MAF: variants seen among roughly 807,000 people sequenced by gnomAD.
MAF encodes transcription factor Maf.
Under a neutral mutation model 22.0 loss-of-function variants are expected in MAF, and 10 were observed. The observed-to-expected ratio is 0.45, with a 90% CI of 0.28 to 0.77. The LOEUF (loss-of-function observed/expected upper bound fraction) is 0.77. Ranked by LOEUF, MAF falls within the 30% of genes least tolerant of loss-of-function variation. MAF has a pLI of 0.12. For missense variants in MAF, 544 were observed against 548.4 expected, an observed-to-expected ratio of 0.99 and a Z score of 0.08; for synonymous variants, 337 against 255.8, an observed-to-expected ratio of 1.32 and a Z score of -3.03.
the MAF span, chr16:79,212,278 A>T: frequency 8.4e-7 from 1 of 1,187,416 alleles, no homozygotes; most frequent in African/African-American, 1.5e-5. Flanking sequence ...ATCCTGACCA[A>T]GACTGAGCCA....
chr16:79,202,683 C>G, the MAF span: 1 of 152,154 alleles, frequency 6.6e-6, no homozygotes, highest in African/African-American at 2.4e-5. Flanking sequence ...TTTTTCCCCT[C>G]TGTTAACAAA....
the MAF span, among the ~76,000 whole-genome samples, chr16:79,220,930 G>A: frequency 2.1e-4 from 32 of 152,340 alleles, no homozygotes; most frequent in African/African-American, 7.5e-4. Flanking sequence ...TGCCATTAAA[G>A]TTCCTGGGTA....
the MAF span, among the ~76,000 whole-genome samples, chr16:79,424,289 A>C: frequency 3.3e-5 from 5 of 152,176 alleles, no homozygotes; most frequent in African/African-American, 1.2e-4. Context: ...ACTAAGAAAC[A>C]GAAACAAAGT....
At chr16:79,551,968 C>G in the MAF span, among the ~76,000 whole-genome samples, 6 of 152,024 alleles carry the variant, frequency 3.9e-5, no homozygotes, top group Non-Finnish European at 7.4e-5. Context: ...TGCTTCGACA[C>G]AGCTGTGATT....
chr16:79,458,992 A>G, the MAF span, among the ~76,000 whole-genome samples: 1 of 152,116 alleles, frequency 6.6e-6, no homozygotes, highest in Non-Finnish European at 1.5e-5. Flanking sequence ...TCTTTCCCAG[A>G]TTTCCTGGGA....
chr16:79,596,341 A>G, intron 1 of MAF: 4 of 1,059,626 alleles, frequency 3.8e-6, no homozygotes, highest in African/African-American at 1.6e-5. Flanking sequence ...ACTTCAAAAA[A>G]CAGCCTATAA....
the MAF span, among the ~76,000 whole-genome samples, chr16:79,455,408 C>A: frequency 6.6e-6 from 1 of 152,056 alleles, no homozygotes; most frequent in African/African-American, 2.4e-5. Flanking sequence ...GAAACATGTC[C>A]CCAGCCCTAG....
the MAF span, among the ~76,000 whole-genome samples, chr16:79,396,934 G>A: frequency 1.8e-4 from 27 of 152,356 alleles, no homozygotes; most frequent in African/African-American, 4.6e-4. Flanking sequence ...GCAGTGGCCA[G>A]GAGCCTGGGC....
the MAF span, among the ~76,000 whole-genome samples, chr16:79,283,605 C>A: frequency 1.3e-5 from 2 of 152,148 alleles, no homozygotes; most frequent in African/African-American, 4.8e-5. Flanking sequence ...TTTTGCAAGT[C>A]TTTGAAGCTG....
At chr16:79,217,986 T>TAAAAAAAAAAAAAAAAAAA in the MAF span, among the ~76,000 whole-genome samples, 2 of 52,124 alleles carry the variant, frequency 3.8e-5, 1 homozygote. Flanking sequence ...GAAGCTTATG[T>TAAAAAAAAAAAAAAAAAAA]AAAAAAAAAA....
chr16:79,349,192 A>T, the MAF span, among the ~76,000 whole-genome samples: 125 of 152,328 alleles, frequency 8.2e-4, no homozygotes, highest in East Asian at 0.016. Flanking sequence ...CCAAGGGCAC[A>T]CAGTGTGAAA....
the MAF span, among the ~76,000 whole-genome samples, chr16:79,210,967 G>A: frequency 6.6e-6 from 1 of 151,954 alleles, no homozygotes; most frequent in East Asian, 1.9e-4. Flanking sequence ...TTTAGAAAAA[G>A]GTTTTCATGG....
At chr16:79,303,252 T>C in the MAF span, among the ~76,000 whole-genome samples, 1 of 152,170 alleles carries the variant, frequency 6.6e-6, no homozygotes, top group Non-Finnish European at 1.5e-5. Flanking sequence ...TTGTACTGTA[T>C]TAAAGGGAAA....
chr16:79,345,701 C>G, the MAF span, among the ~76,000 whole-genome samples: 3 of 118,544 alleles, frequency 2.5e-5, no homozygotes, highest in African/African-American at 3.3e-5. Context: ...GCACTCCAGC[C>G]TGGCAACAGA....
chr16:79,590,265 G>C (rs1913115790), downstream of MAF, among the ~76,000 whole-genome samples: 1 of 152,084 alleles, frequency 6.6e-6, no homozygotes, highest in South Asian at 2.1e-4. Flanking sequence ...TGGGAGAGGG[G>C]ACAAACTCAG....
the MAF span, among the ~76,000 whole-genome samples, chr16:79,551,384 T>C: frequency 3.3e-5 from 5 of 152,224 alleles, no homozygotes; most frequent in African/African-American, 1.2e-4. Flanking sequence ...TGAATTGTTT[T>C]CATGGCAGAA....
At chr16:79,597,470 G>A in intron 1 of MAF, 2 of 1,026,006 alleles carry the variant, frequency 1.9e-6, no homozygotes, top group Non-Finnish European at 2.3e-6. Flanking sequence ...CCCAAAGTGG[G>A]GCGTCATTCT....
the MAF span, among the ~76,000 whole-genome samples, chr16:79,339,132 C>A: frequency 1.3e-5 from 2 of 152,034 alleles, no homozygotes; most frequent in Non-Finnish European, 2.9e-5. Context: ...CGCAGTGGCA[C>A]CATCTCGGCT....
chr16:79,213,552 G>C, the MAF span, among the ~76,000 whole-genome samples: 1 of 152,222 alleles, frequency 6.6e-6, no homozygotes, highest in East Asian at 1.9e-4. Context: ...GGCCAATTTG[G>C]AAAGTGCTTT....
Sources: allele counts gnomAD v4.1 joint callset (sites outside exome capture counted in the v4.1 genomes callset), GRCh38; gene constraint gnomAD v4.1.1; transcripts MANE v1.5; gene names NCBI Gene and HGNC (gene_info 2026-07-23, HGNC 2026-07-21).